C3orf70: variants seen among roughly 807,000 people sequenced by gnomAD.
C3orf70 encodes the protein chromosome 3 open reading frame 70, also known as UPF0524 protein C3orf70.
C3orf70 carries 15 observed loss-of-function variants against 20.7 expected under a neutral mutation model. That is an observed-to-expected ratio of 0.72 (90% confidence interval 0.48 to 1.11). The LOEUF (loss-of-function observed/expected upper bound fraction) is 1.11. C3orf70 is among the 50% of genes most tolerant of loss of function. The pLI is 0.00. For synonymous variants in C3orf70, 161 were observed against 125.7 expected (o/e 1.28, Z -1.88); for missense variants, 332 against 317.6 (o/e 1.05, Z -0.34).
intron 1 of C3orf70, among the ~76,000 whole-genome samples, chr3:185,120,483 A>G (rs1410610883): frequency 2.0e-5 from 3 of 152,202 alleles, no homozygotes; most frequent in African/African-American, 2.4e-5. Context: ...TATACACCCA[A>G]CAAAGGACTA....
At chr3:185,123,645 AC>A (rs1469094020) in intron 1 of C3orf70, among the ~76,000 whole-genome samples, 1 of 151,708 alleles carries the variant, frequency 6.6e-6, no homozygotes, top group Non-Finnish European at 1.5e-5. Flanking sequence ...CATCTTTATG[AC>A]CTATTTCTTT....
At chr3:185,083,964 C>T (rs1221622801) in intron 1 of C3orf70, among the ~76,000 whole-genome samples, 2 of 152,140 alleles carry the variant, frequency 1.3e-5, no homozygotes, top group Non-Finnish European at 2.9e-5. Context: ...ATGTGCAGAT[C>T]ACTTTAGGTC....
chr3:185,078,225 T>C lies in C3orf70; in HGVS notation c.*4782A>G, dbSNP rs933227167. The C allele has an allele frequency of 6.6e-6, 1 of 152,492 alleles. No homozygotes were observed. Among genetic ancestry groups the C allele is most frequent in the South Asian group, 2.1e-4 (1 of 4,828 alleles). 9.4% of individuals were successfully genotyped at this position (152,492 alleles called of 1,614,324 possible). A position where few individuals can be genotyped will look rare whatever the true frequency, so the allele number is the denominator to read the frequency against. On this transcript the variant is annotated 3_prime_UTR_variant, in exon 2 of 2. Transcript: ENST00000335012. ...AAAATAGTTTTTAAAAATAGCAGAGTAAGTGAATATTGCCAGGTATGAACA... is the reference window on the plus strand; with the variant it reads ...AAAATAGTTTTTAAAAATAGCAGAGCAAGTGAATATTGCCAGGTATGAACA...
At chr3:185,123,348 A>G (rs952276482) in intron 1 of C3orf70, among the ~76,000 whole-genome samples, 4 of 152,078 alleles carry the variant, frequency 2.6e-5, no homozygotes, top group Admixed American at 6.5e-5. Flanking sequence ...GAAAGAGGAC[A>G]TATGTAGTGG....
chr3:185,120,627 TC>T (rs1451850921), intron 1 of C3orf70, among the ~76,000 whole-genome samples: 1 of 151,548 alleles, frequency 6.6e-6, no homozygotes, highest in Non-Finnish European at 1.5e-5. Context: ...GGAAAAATGT[TC>T]AACCTCACTA....
chr3:185,094,574 G>A (rs550750810), intron 1 of C3orf70, among the ~76,000 whole-genome samples: 1 of 152,006 alleles, frequency 6.6e-6, no homozygotes, highest in Non-Finnish European at 1.5e-5. Context: ...CCAGCACGAT[G>A]GAGCCCTTGA....
rs1292089859 is a variant in C3orf70 at position 185,152,846 on chromosome 3, C to A, written c.-23G>T. 1.3e-6 allele frequency: 2 copies of A among 1,498,510 alleles called. No homozygotes were observed. Among genetic ancestry groups the A allele is most frequent in the Non-Finnish European group, 1.8e-6 (2 of 1,119,528 alleles). 92.8% of individuals were successfully genotyped at this position (1,498,510 alleles called of 1,614,324 possible). A position where few individuals can be genotyped will look rare whatever the true frequency, so the allele number is the denominator to read the frequency against. ...CATTTCCTCTCCCTCCGCGCGGAGC[C>A]GACACCGGGAGCCCGGGAGAAGCGA... is the stretch of plus-strand genomic sequence containing the variant. On this transcript the variant is annotated 5_prime_UTR_variant, in exon 1 of 2. Transcript: ENST00000335012.
intron 1 of C3orf70, among the ~76,000 whole-genome samples, chr3:185,088,719 A>G (rs1404238733): frequency 3.3e-5 from 5 of 152,252 alleles, no homozygotes; most frequent in East Asian, 3.9e-4. Context: ...TCTTTGTAAG[A>G]TATTTTAGGA....
intron 1 of C3orf70, among the ~76,000 whole-genome samples, chr3:185,108,554 A>G (rs1715995066): frequency 6.6e-6 from 1 of 152,256 alleles, no homozygotes; most frequent in Non-Finnish European, 1.5e-5. Flanking sequence ...TTCTTCCAGG[A>G]CCTTTGACTG....
At chr3:185,146,310 G>T in intron 1 of C3orf70, among the ~76,000 whole-genome samples, 1 of 132,356 alleles carries the variant, frequency 7.6e-6, no homozygotes, top group Non-Finnish European at 1.6e-5. Flanking sequence ...TTTTTGAGAG[G>T]GAGTTTCGCT....
At position 185,083,244 on chromosome 3, in the gene C3orf70, C is replaced by T. The variant is rs753948081; in HGVS notation, c.516G>A (p.Glu172=). The stretch of plus-strand genomic sequence containing the variant: ...AGTGATCTATTTTTGGTGTATTGCT[C>T]TCTTTTGAAATTAAGGCATCGTGTG... The part of the protein sequence containing the change: ...VSAHDALISK[E]SNTPKIDHCS... Residue 172 remains glutamate (E), a synonymous_variant, in exon 2 of 2, where the codon GAG becomes GAA. Coordinates refer to ENST00000335012, the MANE Select transcript of C3orf70 (RefSeq NM_001025266.3). 1 of 1,614,184 alleles carries T rather than the reference C, an allele frequency of 6.2e-7. No individual in the cohort carries two copies.
intron 1 of C3orf70, among the ~76,000 whole-genome samples, chr3:185,110,384 G>T (rs1009939846): frequency 6.6e-6 from 1 of 152,196 alleles, no homozygotes; most frequent in Non-Finnish European, 1.5e-5. Context: ...ACACTTGGAA[G>T]CTCTGTGATT....
chr3:185,123,276 A>T (rs1716343317), intron 1 of C3orf70, among the ~76,000 whole-genome samples: 1 of 96,862 alleles, frequency 1.0e-5, no homozygotes, highest in African/African-American at 3.3e-5. Flanking sequence ...TAACAAATAA[A>T]AAAAGTCCTT....
intron 1 of C3orf70, among the ~76,000 whole-genome samples, chr3:185,127,053 C>T (rs1293528402): frequency 6.6e-6 from 1 of 152,186 alleles, no homozygotes; most frequent in Non-Finnish European, 1.5e-5. Flanking sequence ...TGATATTCCC[C>T]AATTCCCTTA....
intron 1 of C3orf70, among the ~76,000 whole-genome samples, chr3:185,090,297 A>G (rs1232353262): frequency 6.6e-6 from 1 of 152,250 alleles, no homozygotes; most frequent in Non-Finnish European, 1.5e-5. Context: ...CCAAACAAAT[A>G]TAGAAAATAA....
intron 1 of C3orf70, among the ~76,000 whole-genome samples, chr3:185,118,984 A>T (rs1208765603): frequency 2.0e-5 from 3 of 152,220 alleles, no homozygotes; most frequent in Non-Finnish European, 4.4e-5. Context: ...CTGGATTCCC[A>T]TATTGAAAGA....
intron 1 of C3orf70, among the ~76,000 whole-genome samples, chr3:185,100,604 A>G (rs533343222): frequency 1.8e-4 from 28 of 152,258 alleles, no homozygotes; most frequent in African/African-American, 6.5e-4. Flanking sequence ...ATCTCAATTT[A>G]AAAACCTAAC....
At chr3:185,084,427 T>G (rs1412723251) in intron 1 of C3orf70, among the ~76,000 whole-genome samples, 1 of 152,026 alleles carries the variant, frequency 6.6e-6, no homozygotes, top group Non-Finnish European at 1.5e-5. Context: ...CCACCCTCAA[T>G]GACTGGGGTA....
chr3:185,096,601 C>T (rs952431669), intron 1 of C3orf70, among the ~76,000 whole-genome samples: 14 of 152,038 alleles, frequency 9.2e-5, no homozygotes, highest in East Asian at 3.9e-4. Flanking sequence ...GTGGAGGGTG[C>T]GGAGGACTCT....
Sources: allele counts gnomAD v4.1 joint callset (sites outside exome capture counted in the v4.1 genomes callset), GRCh38; gene constraint gnomAD v4.1.1; transcripts MANE v1.5; gene names NCBI Gene and HGNC (gene_info 2026-07-23, HGNC 2026-07-21).